The following RNF150 variants were observed in gnomAD, a reference collection of about 807,000 sequenced individuals.
RNF150 encodes ring finger protein 150.
A neutral mutation model predicts 39.3 loss-of-function variants in RNF150; 24 were observed. That is an observed-to-expected ratio of 0.61 (90% CI 0.44 to 0.86). RNF150 has a LOEUF of 0.86. Ranked by LOEUF, RNF150 falls within the 40% of genes least tolerant of loss-of-function variation. The probability of loss-of-function intolerance (pLI) is 0.00; values close to 1 mark genes in which losing one functional copy is unlikely to be tolerated. For missense variants in RNF150, 502 were observed against 587.8 expected (o/e 0.85, Z 1.51); for synonymous variants, 255 against 227.3 (o/e 1.12, Z -1.10).
intron 1 of RNF150, among the ~76,000 whole-genome samples, chr4:141,156,780 A>T (rs989606870): frequency 6.6e-6 from 1 of 151,256 alleles, no homozygotes. Context: ...GTTGGCACAT[A>T]CCTGTAATCT....
At chr4:141,016,589 T>A (rs1735283871) in intron 1 of RNF150, among the ~76,000 whole-genome samples, 1 of 152,212 alleles carries the variant, frequency 6.6e-6, no homozygotes, top group Admixed American at 6.5e-5. Flanking sequence ...TACAACTGGC[T>A]CGCTCTTGAA....
intron 1 of RNF150, among the ~76,000 whole-genome samples, chr4:141,126,831 T>A (rs927287101): frequency 1.3e-5 from 2 of 152,060 alleles, no homozygotes; most frequent in African/African-American, 4.8e-5. Flanking sequence ...ACTTTATAAA[T>A]AAGAAAACTG....
intron 1 of RNF150, chr4:141,053,798 A>C (rs886915063): frequency 1.1e-5 from 9 of 801,396 alleles, no homozygotes; most frequent in African/African-American, 1.8e-5. Flanking sequence ...CCTCTGCTAA[A>C]GCTATCCCTT....
intron 1 of RNF150, among the ~76,000 whole-genome samples, chr4:141,153,975 C>A (rs904256212): frequency 2.0e-5 from 3 of 152,170 alleles, no homozygotes; most frequent in South Asian, 2.1e-4. Flanking sequence ...TGCTTTGGGA[C>A]AAATTTCTCC....
intron 2 of RNF150, among the ~76,000 whole-genome samples, chr4:140,962,495 C>CATATAT (rs145375840): frequency 1.3e-5 from 2 of 150,574 alleles, no homozygotes; most frequent in African/African-American, 4.9e-5. Flanking sequence ...CACACACACA[C>CATATAT]ATATATATAT....
At chr4:141,051,578 G>A (rs567305980) in intron 1 of RNF150, among the ~76,000 whole-genome samples, 11 of 152,236 alleles carry the variant, frequency 7.2e-5, no homozygotes, top group African/African-American at 1.4e-4. Flanking sequence ...TAGGGCAGGC[G>A]CAAAATGCTG....
chr4:141,065,662 G>C (rs780605746), intron 1 of RNF150, among the ~76,000 whole-genome samples: 8 of 151,976 alleles, frequency 5.3e-5, no homozygotes, highest in Non-Finnish European at 1.0e-4. Flanking sequence ...GAAATTCATC[G>C]TAATTTTTAA....
At chr4:141,028,564 A>G (rs1464648987) in intron 1 of RNF150, among the ~76,000 whole-genome samples, 1 of 152,218 alleles carries the variant, frequency 6.6e-6, no homozygotes, top group Non-Finnish European at 1.5e-5. Context: ...CTGTCAGTAG[A>G]GAACACTGAA....
Position 140,983,654 on chromosome 4 carries a change from C to T in RNF150, c.485-15781G>A, listed in dbSNP as rs571729860. Among the ~76,000 whole-genome samples the T allele has an allele frequency of 7.9e-4, 120 of 151,176 alleles. No homozygotes were observed. In the South Asian group the frequency reaches 0.014, roughly 18 times the overall value. On this transcript the variant is annotated intron_variant, in intron 1 of 6. Coordinates refer to ENST00000515673, the MANE Select transcript of RNF150 (RefSeq NM_020724.2). ...TGCTTGTGGGGGGAATCTAGGCATGCGTGGAAAGAGATTGAAGCTAAAGGG... is the reference window on the plus strand; with the variant it reads ...TGCTTGTGGGGGGAATCTAGGCATGTGTGGAAAGAGATTGAAGCTAAAGGG...
chr4:141,042,172 CAAT>C (rs1736398138), intron 1 of RNF150, among the ~76,000 whole-genome samples: 1 of 152,034 alleles, frequency 6.6e-6, no homozygotes, highest in East Asian at 1.9e-4. Flanking sequence ...ATAAACCGAA[CAAT>C]TGCTAGTGAA....
intron 1 of RNF150, among the ~76,000 whole-genome samples, chr4:141,063,427 T>C (rs1054471984): frequency 1.3e-5 from 2 of 152,220 alleles, no homozygotes; most frequent in Non-Finnish European, 2.9e-5. Flanking sequence ...AAATTTTTCT[T>C]TTTGAATAAG....
intron 1 of RNF150, among the ~76,000 whole-genome samples, chr4:141,036,361 T>C (rs1390016129): frequency 6.6e-6 from 1 of 152,162 alleles, no homozygotes; most frequent in Non-Finnish European, 1.5e-5. Context: ...CTAGGCTTGG[T>C]ATTTAGATTT....
Position 140,956,685 on chromosome 4 carries a change from T to C in RNF150, c.736-7313A>G, listed in dbSNP as rs549743696. Among the ~76,000 whole-genome samples, 4 of 152,268 alleles carry C rather than the reference T, an allele frequency of 2.6e-5. No homozygotes were observed. In the East Asian group the frequency reaches 5.8e-4, roughly 22 times the overall value. ...CAAGGCTACAGTAACCAAAACAGCATGGTACTGGTACCAAAACAGAGATAT... is the reference window on the plus strand; with the variant it reads ...CAAGGCTACAGTAACCAAAACAGCACGGTACTGGTACCAAAACAGAGATAT... On this transcript the variant is annotated intron_variant, in intron 2 of 6. Transcript: ENST00000515673.
intron 1 of RNF150, among the ~76,000 whole-genome samples, chr4:140,986,893 C>G (rs2111469293): frequency 6.6e-6 from 1 of 152,142 alleles, no homozygotes; most frequent in South Asian, 2.1e-4. Context: ...TGCCAAAAGG[C>G]TCTTAGACCT....
chr4:141,114,290 A>C (rs1739479207), intron 1 of RNF150, among the ~76,000 whole-genome samples: 1 of 152,222 alleles, frequency 6.6e-6, no homozygotes, highest in Non-Finnish European at 1.5e-5. Context: ...AAAAGAGAGA[A>C]GTATCAAATG....
At chr4:141,039,421 AAGGGAGAGGAGAAAAG>A (rs1265103174) in intron 1 of RNF150, among the ~76,000 whole-genome samples, 1 of 151,410 alleles carries the variant, frequency 6.6e-6, no homozygotes, top group Non-Finnish European at 1.5e-5. Context: ...GAGGAGAAAA[AAGGGAGAGGAGAAAAG>A]AGGGAACAAG....
At chr4:140,987,327 C>T (rs192974460) in intron 1 of RNF150, among the ~76,000 whole-genome samples, 3 of 151,942 alleles carry the variant, frequency 2.0e-5, no homozygotes, top group African/African-American at 7.2e-5. Flanking sequence ...TAAGCAAAAA[C>T]AACAAAGCTG....
chr4:141,067,742 A>G (rs150119937), intron 1 of RNF150, among the ~76,000 whole-genome samples: 123 of 152,302 alleles, frequency 8.1e-4, no homozygotes, highest in Non-Finnish European at 1.3e-3. Flanking sequence ...GCTTTCCACT[A>G]TGATTCCTAT....
intron 1 of RNF150, among the ~76,000 whole-genome samples, chr4:141,160,549 T>G (rs1466559539): frequency 6.6e-6 from 1 of 152,200 alleles, no homozygotes; most frequent in East Asian, 1.9e-4. Context: ...ATGGTTTGGA[T>G]CTCTATCCTT....
Sources: gnomAD v4.1 joint callset for allele counts (sites outside exome capture counted in the v4.1 genomes callset) on GRCh38, gnomAD v4.1.1 for gene constraint, MANE v1.5 for transcripts, NCBI Gene and HGNC (gene_info 2026-07-23, HGNC 2026-07-21) for gene names.